UBTD2: variants seen among roughly 807,000 people sequenced by gnomAD.
UBTD2 encodes ubiquitin domain-containing protein 2.
A neutral mutation model predicts 19.8 loss-of-function variants in UBTD2; 9 were observed. The observed-to-expected ratio is 0.46, with a 90% CI of 0.27 to 0.79. UBTD2 has a LOEUF of 0.79. UBTD2 is among the 30% of genes least tolerant of loss of function. The probability of loss-of-function intolerance (pLI) is 0.14; values close to 1 mark genes in which losing one functional copy is unlikely to be tolerated. For synonymous variants in UBTD2, 98 were observed against 103.9 expected, an observed-to-expected ratio of 0.94 and a Z score of 0.35; for missense variants, 250 against 300.4, an observed-to-expected ratio of 0.83 and a Z score of 1.24.
At chr5:172,272,318 T>A (rs1181778122) in intron 1 of UBTD2, among the ~76,000 whole-genome samples, 4 of 152,210 alleles carry the variant, frequency 2.6e-5, no homozygotes, top group African/African-American at 9.7e-5. Flanking sequence ...TACATATGCA[T>A]TAGTAAAGTC....
chr5:172,235,012 T>C (rs1189665213), intron 1 of UBTD2, among the ~76,000 whole-genome samples: 1 of 152,194 alleles, frequency 6.6e-6, no homozygotes, highest in Non-Finnish European at 1.5e-5. Context: ...TATGTATGTG[T>C]AGGCACTGGG....
At chr5:172,251,612 G>A (rs1323161387) in intron 1 of UBTD2, among the ~76,000 whole-genome samples, 3 of 139,764 alleles carry the variant, frequency 2.1e-5, no homozygotes, top group African/African-American at 8.0e-5. Flanking sequence ...CAGTGGGTAT[G>A]TTCAAAGTGC....
rs557332446 is a variant in UBTD2, at chr5:172,245,335, A to G, written c.71-10977T>C. ...GATCATGGGGGAAACTGCAGAGCAG[A>G]AACAGCTAAAGAAGAGAATACCCTA... On this transcript the variant is annotated intron_variant, in intron 1 of 2. Transcript: ENST00000393792. Among the ~76,000 whole-genome samples the G allele has an allele frequency of 6.6e-5, 10 of 152,324 alleles. No individual in the cohort carries two copies. The South Asian group carries it at 2.1e-3, about 32-fold the overall frequency.
chr5:172,242,525 T>G (rs1772152953), intron 1 of UBTD2: 1 of 675,290 alleles, frequency 1.5e-6, no homozygotes. Context: ...CCCTTTGTAT[T>G]AACCTATAAA....
chr5:172,255,375 T>C lies in UBTD2; in HGVS notation c.71-21017A>G, dbSNP rs566009802. The C allele has an allele frequency of 1.3e-4, 63 of 480,952 alleles. No homozygotes were observed. The East Asian group carries it at 2.0e-3, about 16-fold the overall frequency. The allele number at this position is 480,952 out of a possible 1,614,324, so 29.8% of individuals were successfully genotyped here. A position where few individuals can be genotyped will look rare whatever the true frequency, so the allele number is the denominator to read the frequency against. ...TGGATTCCATGTAATTAGATGAGTA[T>C]GACACCGAGACAGGGTCCACGGGCC... is the stretch of plus-strand genomic sequence containing the variant. On this transcript the variant is annotated intron_variant, in intron 1 of 2. Transcript: ENST00000393792.
Position 172,283,574 on chromosome 5 carries a change from C to A in UBTD2, c.70+22G>T. 1 of 1,297,296 alleles carries A rather than the reference C, an allele frequency of 7.7e-7. No individual in the cohort carries two copies. Among genetic ancestry groups the A allele is most frequent in the Non-Finnish European group, 9.8e-7 (1 of 1,016,120 alleles). The allele number at this position is 1,297,296 out of a possible 1,614,324, so 80.4% of individuals were successfully genotyped here. Reference sequence around the variant, plus strand: ...GGCCGGGAACAATGGGGGGCCGAGGCTGCCCCCTGGCGCTCACCTACCTCC... The same window carrying A: ...GGCCGGGAACAATGGGGGGCCGAGGATGCCCCCTGGCGCTCACCTACCTCC... On this transcript the variant is annotated intron_variant, in intron 1 of 2. Coordinates refer to ENST00000393792, the MANE Select transcript of UBTD2 (RefSeq NM_152277.3). This position sits in a 1 kb window ranked among gnomAD's most constrained non-coding sequence, Gnocchi z 4.3.
rs111267060 is a variant in UBTD2 at position 172,222,696 on chromosome 5, G to A, written c.308-10469C>T. On this transcript the variant is annotated intron_variant, in intron 2 of 2. Transcript: ENST00000393792. ...GAATCCCAAGAAATAGAAATGATAC[G>A]GAAATAAGAATAATTACAAGGTAAA... Among the ~76,000 whole-genome samples, 678 of 152,122 alleles carry A rather than the reference G, an allele frequency of 4.5e-3. 7 individuals carry two copies. Among genetic ancestry groups the A allele is most frequent in the African/African-American group, 0.015 (629 of 41,502 alleles).
chr5:172,220,096 G>C (rs1042751061), intron 2 of UBTD2, among the ~76,000 whole-genome samples: 1 of 152,076 alleles, frequency 6.6e-6, no homozygotes, highest in Non-Finnish European at 1.5e-5. Flanking sequence ...AAATATTAAT[G>C]AATCAAATTC....
chr5:172,213,438 G>A (rs1294467089), intron 2 of UBTD2, among the ~76,000 whole-genome samples: 1 of 152,104 alleles, frequency 6.6e-6, no homozygotes, highest in African/African-American at 2.4e-5. Context: ...AATGACTGAG[G>A]TGTTTTATTT....
intron 1 of UBTD2, among the ~76,000 whole-genome samples, chr5:172,280,215 A>T (rs892466150): frequency 2.3e-5 from 3 of 130,128 alleles, no homozygotes; most frequent in Non-Finnish European, 3.3e-5. Flanking sequence ...AGTAGGCATT[A>T]AAAAAAAAAG....
chr5:172,270,391 CTT>C (rs1375692883), intron 1 of UBTD2, among the ~76,000 whole-genome samples: 4 of 101,172 alleles, frequency 4.0e-5, no homozygotes, highest in Non-Finnish European at 7.3e-5. Context: ...GAGTTTCGCT[CTT>C]GTTGCCCAGG....
chr5:172,265,996 T>G (rs1334419445), intron 1 of UBTD2, among the ~76,000 whole-genome samples: 1 of 151,568 alleles, frequency 6.6e-6, no homozygotes, highest in Non-Finnish European at 1.5e-5. Flanking sequence ...TGCAGTGGCA[T>G]GATCTCAGCT....
intron 1 of UBTD2, among the ~76,000 whole-genome samples, chr5:172,282,861 T>C (rs1755745864): frequency 6.6e-6 from 1 of 152,116 alleles, no homozygotes; most frequent in Non-Finnish European, 1.5e-5. Context: ...CTGGGTGGGG[T>C]AAGTCAGGGT....
chr5:172,238,236 T>C (rs1303642536), intron 1 of UBTD2, among the ~76,000 whole-genome samples: 1 of 152,236 alleles, frequency 6.6e-6, no homozygotes, highest in East Asian at 1.9e-4. Flanking sequence ...AGAGAGATGC[T>C]TGGTAATCAT....
chr5:172,282,270 G>A (rs1173901103), intron 1 of UBTD2, among the ~76,000 whole-genome samples: 1 of 152,156 alleles, frequency 6.6e-6, no homozygotes, highest in Non-Finnish European at 1.5e-5. Context: ...TGTTGTCACT[G>A]AGGATCTCAA....
At chr5:172,254,306 G>C (rs1169310573) in intron 1 of UBTD2, 2 of 185,052 alleles carry the variant, frequency 1.1e-5, no homozygotes, top group African/African-American at 4.8e-5. Context: ...CACCATGTTG[G>C]TCAGGCTGGT....
chr5:172,267,876 T>C (rs888265130), intron 1 of UBTD2, among the ~76,000 whole-genome samples: 1 of 152,228 alleles, frequency 6.6e-6, no homozygotes, highest in African/African-American at 2.4e-5. Context: ...AACTGACTTA[T>C]TTAAGGTCAT....
intron 1 of UBTD2, chr5:172,242,442 T>C (rs1199565850): frequency 2.0e-6 from 2 of 985,308 alleles, no homozygotes; most frequent in African/African-American, 3.5e-5. Context: ...GGCCAGCATT[T>C]CTCAGCTGGG....
chr5:172,227,904 C>T (rs952865897), intron 2 of UBTD2, among the ~76,000 whole-genome samples: 17 of 151,918 alleles, frequency 1.1e-4, no homozygotes, highest in African/African-American at 4.1e-4. Flanking sequence ...TGGTCTCTAA[C>T]TCCTGACCTT....
Sources: allele counts gnomAD v4.1 joint callset (sites outside exome capture counted in the v4.1 genomes callset), GRCh38; gene constraint gnomAD v4.1.1; non-coding constraint Gnocchi (gnomAD v3.1); transcripts MANE v1.5; gene names NCBI Gene and HGNC (gene_info 2026-07-23, HGNC 2026-07-21).